The following ALKBH3 variants were observed in gnomAD, a reference collection of about 807,000 sequenced individuals.
ALKBH3 encodes alpha-ketoglutarate-dependent dioxygenase alkB homolog 3.
Under a neutral mutation model 43.9 loss-of-function variants are expected in ALKBH3, and 51 were observed. The observed-to-expected ratio is 1.16, with a 90% CI of 0.93 to 1.47. The LOEUF (loss-of-function observed/expected upper bound fraction) is 1.47, where lower values mean the gene tolerates loss of function less well. ALKBH3 is among the 40% of genes most tolerant of loss of function. The pLI is 0.00. For synonymous variants in ALKBH3, 102 were observed against 115.2 expected (o/e 0.89, Z 0.73); for missense variants, 361 against 351.9 (o/e 1.03, Z -0.21).
At chr11:43,882,056 A>G (rs1951715301) in intron 1 of ALKBH3, among the ~76,000 whole-genome samples, 1 of 152,210 alleles carries the variant, frequency 6.6e-6, no homozygotes, top group Admixed American at 6.5e-5. Context: ...TACCGTCCAC[A>G]TACATACCTG....
chr11:43,919,362 C>T (rs1312614762), intron 9 of ALKBH3, among the ~76,000 whole-genome samples: 2 of 152,192 alleles, frequency 1.3e-5, no homozygotes, highest in African/African-American at 2.4e-5. Flanking sequence ...AGTATCTGTG[C>T]TGCCTATTGT....
chr11:43,885,376 C>T (rs960476875), intron 4 of ALKBH3, among the ~76,000 whole-genome samples: 3 of 152,170 alleles, frequency 2.0e-5, no homozygotes, highest in South Asian at 2.1e-4. Flanking sequence ...ACATTATAGA[C>T]GATGCATGTA....
At chr11:43,881,946 T>C (rs1019038050) in intron 1 of ALKBH3, among the ~76,000 whole-genome samples, 2 of 152,242 alleles carry the variant, frequency 1.3e-5, no homozygotes, top group African/African-American at 4.8e-5. Flanking sequence ...CATTATGAGG[T>C]GGATTTATCC....
intron 8 of ALKBH3, among the ~76,000 whole-genome samples, chr11:43,917,380 T>G (rs1402796800): frequency 6.6e-6 from 1 of 152,212 alleles, no homozygotes; most frequent in Non-Finnish European, 1.5e-5. Flanking sequence ...CAGAATTGCC[T>G]TCATGTTGTG....
At position 43,901,592 on chromosome 11, in the gene ALKBH3, A is replaced by T; in HGVS notation, c.536A>T (p.Asn179Ile). Residue 179 changes from asparagine (N) to isoleucine (I), a missense_variant, in exon 8 of 10, where the codon AAT becomes ATT. Physicochemically the swap from Asn to Ile is moderately radical, Grantham distance 149. Transcript: ENST00000302708. ...CACACCTTCAACTCCTTACTCTGCA[A>T]TCTTTATCGCAATGAGAAGGACAGC... ...TGHTFNSLLC[N>I]LYRNEKDSVD... 6.2e-7 allele frequency: 1 copy of T among 1,614,260 alleles called. No homozygotes were observed. The highest frequency in any genetic ancestry group is 8.5e-7 in the Non-Finnish European group (1 of 1,180,048).
At position 43,901,735 on chromosome 11, in the gene ALKBH3, C is replaced by A; in HGVS notation, c.669+10C>A. 1 of 1,613,670 alleles carries A rather than the reference C, an allele frequency of 6.2e-7. No homozygotes were observed. The highest frequency in any genetic ancestry group is 1.1e-5 in the South Asian group (1 of 91,022). On this transcript the variant is annotated intron_variant, in intron 8 of 9. Coordinates refer to ENST00000302708, the MANE Select transcript of ALKBH3 (RefSeq NM_139178.4). ...AAAGAAGCCACCACCAGTGAGTATT[C>A]TCTTTTTCTTATGCTCTTCCTGCCT...
chr11:43,881,976 TTAATA>T (rs2135173310), intron 1 of ALKBH3, among the ~76,000 whole-genome samples: 1 of 152,280 alleles, frequency 6.6e-6, no homozygotes, highest in African/African-American at 2.4e-5. Flanking sequence ...AGACAGGAGT[TTAATA>T]TAAGTTGAAT....
intron 8 of ALKBH3, among the ~76,000 whole-genome samples, chr11:43,908,812 G>A (rs142145873): frequency 2.0e-5 from 3 of 152,338 alleles, no homozygotes; most frequent in East Asian, 1.9e-4. Flanking sequence ...CAGTCCAGAA[G>A]GAAAGGCAGT....
rs539647269 is a variant in ALKBH3 at position 43,895,468 on chromosome 11, C to T, written c.459+3339C>T. On this transcript the variant is annotated intron_variant, in intron 7 of 9. Coordinates refer to ENST00000302708, the MANE Select transcript of ALKBH3 (RefSeq NM_139178.4). ...TTCTGCCTTGATTGTGAGGCCTCCG[C>T]AGCTATGTGGAACTGTCAGTCCATT... Among the ~76,000 whole-genome samples the T allele has an allele frequency of 1.1e-4, 16 of 152,312 alleles. No individual in the cohort carries two copies. The Middle Eastern group carries it at 0.014, about 130-fold the overall frequency.
chr11:43,915,795 G>T (rs115207277), intron 8 of ALKBH3, among the ~76,000 whole-genome samples: 249 of 152,308 alleles, frequency 1.6e-3, no homozygotes, highest in African/African-American at 5.6e-3. Flanking sequence ...CTGTGTGTAT[G>T]TTGTATAAAC....
rs764732289 is a variant in ALKBH3, at chr11:43,889,799, C to G, written c.341C>G (p.Pro114Arg). 8.1e-6 allele frequency: 13 copies of G among 1,613,756 alleles called. No individual in the cohort carries two copies. The Admixed American group carries it at 2.2e-4, about 27-fold the overall frequency. ...TTGGAACAGCTTTGTCAAGATGTTC[C>G]CTGGAAACAGAGGACTGGCATCAGA... ...WILEQLCQDV[P>R]WKQRTGIRED... Residue 114 changes from proline to arginine, a missense_variant, in exon 6 of 10, where the codon CCC becomes CGC. Coordinates refer to ENST00000302708, the MANE Select transcript of ALKBH3 (RefSeq NM_139178.4).
At position 43,889,800 on chromosome 11, in the gene ALKBH3, C is replaced by G. The variant is rs143155140; in HGVS notation, c.342C>G (p.Pro114=). 1.9e-6 allele frequency: 3 copies of G among 1,613,906 alleles called. No individual in the cohort carries two copies. The highest frequency in any genetic ancestry group is 3.3e-5 in the Admixed American group (2 of 60,002). Reference sequence around the variant, plus strand: ...TGGAACAGCTTTGTCAAGATGTTCCCTGGAAACAGAGGACTGGCATCAGAG... The same window carrying G: ...TGGAACAGCTTTGTCAAGATGTTCCGTGGAAACAGAGGACTGGCATCAGAG... ...WILEQLCQDV[P]WKQRTGIRED... The change falls in exon 6 of 10, where the codon CCC becomes CCG. Residue 114 remains proline (P), a synonymous_variant. Coordinates refer to ENST00000302708, the MANE Select transcript of ALKBH3 (RefSeq NM_139178.4).
At chr11:43,886,532 A>G in intron 4 of ALKBH3, 74 bp from the exon 5 acceptor site, 2 of 1,486,140 alleles carry the variant, frequency 1.3e-6, no homozygotes, top group Non-Finnish European at 1.9e-6. Context: ...GCAGTTCAGA[A>G]GGATAACTCT....
chr11:43,887,913 C>T (rs1395370355), intron 5 of ALKBH3, among the ~76,000 whole-genome samples: 3 of 151,766 alleles, frequency 2.0e-5, no homozygotes, highest in Non-Finnish European at 4.4e-5. Context: ...CTCAGCCTCC[C>T]GAGTAGCTGG....
chr11:43,884,322 G>A (rs570445649), intron 4 of ALKBH3, among the ~76,000 whole-genome samples: 6 of 151,194 alleles, frequency 4.0e-5, no homozygotes, highest in Non-Finnish European at 7.4e-5. Context: ...AGACAGAGAG[G>A]GATTTTTCCT....
chr11:43,900,678 G>A (rs1017755089), intron 7 of ALKBH3, among the ~76,000 whole-genome samples: 47 of 152,112 alleles, frequency 3.1e-4, no homozygotes, highest in Non-Finnish European at 7.4e-5. Flanking sequence ...CTGTTCTAAA[G>A]GAAGCTTTGT....
At chr11:43,901,003 A>G (rs546794933) in intron 7 of ALKBH3, among the ~76,000 whole-genome samples, 1 of 152,348 alleles carries the variant, frequency 6.6e-6, no homozygotes, top group African/African-American at 2.4e-5. Context: ...GAAATATTAA[A>G]GATCATTTTT....
chr11:43,893,595 C>T (rs772449666), intron 7 of ALKBH3, among the ~76,000 whole-genome samples: 11 of 151,976 alleles, frequency 7.2e-5, no homozygotes, highest in Non-Finnish European at 1.3e-4. Context: ...TGGTTCCAAT[C>T]TTGTTATTTT....
intron 5 of ALKBH3, among the ~76,000 whole-genome samples, chr11:43,889,458 T>A (rs1951768440): frequency 6.6e-6 from 1 of 152,182 alleles, no homozygotes; most frequent in South Asian, 2.1e-4. Flanking sequence ...TGAAATACTG[T>A]TTGAATTATG....
Sources: allele counts gnomAD v4.1 joint callset (sites outside exome capture counted in the v4.1 genomes callset), GRCh38; gene constraint gnomAD v4.1.1; transcripts MANE v1.5; gene names NCBI Gene and HGNC (gene_info 2026-07-23, HGNC 2026-07-21).